Variants in ADCYAP1R1 observed in about 807,000 individuals in gnomAD.
ADCYAP1R1 encodes the protein ADCYAP receptor type I.
A neutral mutation model predicts 67.6 loss-of-function variants in ADCYAP1R1; 44 were observed. The observed-to-expected ratio is 0.65, with a 90% CI of 0.51 to 0.84. ADCYAP1R1 has a LOEUF of 0.84. ADCYAP1R1 is among the 40% of genes least tolerant of loss of function. The pLI is 0.00. For missense variants in ADCYAP1R1, 477 were observed against 587.9 expected (o/e 0.81, Z 1.95); for synonymous variants, 222 against 219.6 (o/e 1.01, Z -0.10).
chr7:31,056,357 C>T (rs940283325), intron 1 of ADCYAP1R1, among the ~76,000 whole-genome samples: 7 of 152,104 alleles, frequency 4.6e-5, no homozygotes, highest in African/African-American at 1.2e-4. Flanking sequence ...CCCTCCTGAT[C>T]GATGGGCACT....
In ADCYAP1R1 at chr7:31,064,925, A is replaced by G. The variant is rs1420212310; in HGVS notation, c.146A>G (p.Asp49Gly). ...QRANELMGFN[D>G]SSPGCPGMWD... ...GCCAATGAGCTGATGGGCTTCAATGATTCCTCTCCAGGTGAGCGGGGCGGC... is the reference window on the plus strand; with the variant it reads ...GCCAATGAGCTGATGGGCTTCAATGGTTCCTCTCCAGGTGAGCGGGGCGGC... Residue 49 changes from aspartate to glycine, a missense_variant, in exon 3 of 16, where the codon GAT becomes GGT. Physicochemically the swap from Asp to Gly is moderately conservative, Grantham distance 94. Transcript: ENST00000304166. 18 of 1,608,918 alleles carry G rather than the reference A, an allele frequency of 1.1e-5. No homozygotes were observed. The highest frequency in any genetic ancestry group is 1.5e-5 in the Non-Finnish European group (18 of 1,177,270).
In ADCYAP1R1 at chr7:31,086,845, A is replaced by G; in HGVS notation, c.824-98A>G. On this transcript the variant is annotated intron_variant, in intron 10 of 15. Transcript: ENST00000304166. The surrounding 1 kb of genome is among the most constrained non-coding windows in gnomAD (Gnocchi z 5.0). Reference sequence around the variant, plus strand: ...AGAATTCCCAGGAATTCCAAGTCTCATGGGGGAGCAATAGCCTCTCGGAGC... The same window carrying G: ...AGAATTCCCAGGAATTCCAAGTCTCGTGGGGGAGCAATAGCCTCTCGGAGC... 1.5e-6 allele frequency: 2 copies of G among 1,294,766 alleles called. No individual in the cohort carries two copies. Among genetic ancestry groups the G allele is most frequent in the South Asian group, 1.2e-5 (1 of 83,068 alleles). The allele number at this position is 1,294,766 out of a possible 1,614,324, so 80.2% of individuals were successfully genotyped here.
At chr7:31,066,269 A>G (rs745683315) in intron 3 of ADCYAP1R1, among the ~76,000 whole-genome samples, 14 of 152,208 alleles carry the variant, frequency 9.2e-5, no homozygotes, top group Non-Finnish European at 1.6e-4. Context: ...TTGTTCCTGC[A>G]TTGCGTGTCT....
intron 3 of ADCYAP1R1, among the ~76,000 whole-genome samples, chr7:31,076,593 TG>T (rs1166754595): frequency 6.6e-6 from 1 of 152,166 alleles, no homozygotes; most frequent in Non-Finnish European, 1.5e-5. Context: ...GGAGATGCTG[TG>T]GGGGGCCTCT....
chr7:31,070,415 A>G (rs2128620694), intron 3 of ADCYAP1R1, among the ~76,000 whole-genome samples: 1 of 152,208 alleles, frequency 6.6e-6, no homozygotes, highest in Non-Finnish European at 1.5e-5. Flanking sequence ...TGGAGGGAGG[A>G]GGGAAAGGCC....
intron 3 of ADCYAP1R1, among the ~76,000 whole-genome samples, chr7:31,067,874 T>C (rs1794806883): frequency 6.6e-6 from 1 of 152,212 alleles, no homozygotes; most frequent in Admixed American, 6.5e-5. Flanking sequence ...ACTGTAGTTA[T>C]TAGGAGCTGT....
intron 12 of ADCYAP1R1, among the ~76,000 whole-genome samples, chr7:31,089,206 T>C (rs963000796): frequency 2.0e-5 from 3 of 152,158 alleles, no homozygotes; most frequent in African/African-American, 4.8e-5. Flanking sequence ...TTCTTAGTTG[T>C]GTTTCTGAAT....
chr7:31,087,891 T>G (rs1795819185), intron 12 of ADCYAP1R1, among the ~76,000 whole-genome samples, 195 bp downstream of exon 12: 1 of 152,262 alleles, frequency 6.6e-6, no homozygotes, highest in East Asian at 1.9e-4. Flanking sequence ...TCCCATTTTT[T>G]CCTTATTACA....
intron 12 of ADCYAP1R1, among the ~76,000 whole-genome samples, chr7:31,091,848 TCTC>T (rs1175633250): frequency 6.6e-6 from 1 of 151,948 alleles, no homozygotes; most frequent in Non-Finnish European, 1.5e-5. Flanking sequence ...ATTGATCAGT[TCTC>T]CTATTTTTTC....
intron 1 of ADCYAP1R1, among the ~76,000 whole-genome samples, chr7:31,060,260 G>A (rs1452284588): frequency 2.0e-4 from 31 of 152,204 alleles, no homozygotes; most frequent in Admixed American, 2.0e-3. Flanking sequence ...ATGTGCATGT[G>A]TGCCTATACC....
In ADCYAP1R1 at chr7:31,100,733, A is replaced by T. The variant is rs116004492; in HGVS notation, c.1047-2504A>T. Among the ~76,000 whole-genome samples the T allele has an allele frequency of 7.7e-3, 1,179 of 152,300 alleles. 17 individuals carry two copies. Among genetic ancestry groups the T allele is most frequent in the African/African-American group, 0.027 (1,122 of 41,558 alleles). On this transcript the variant is annotated intron_variant, in intron 13 of 15. Coordinates refer to ENST00000304166, the MANE Select transcript of ADCYAP1R1 (RefSeq NM_001118.5). ...AATGAGAAAACTGAAGTGCTGAGAG[A>T]TGAAGTCACTCACTCAAGGACCCCT...
intron 13 of ADCYAP1R1, among the ~76,000 whole-genome samples, chr7:31,101,263 A>G (rs1288957971): frequency 1.3e-5 from 2 of 152,178 alleles, no homozygotes; most frequent in Non-Finnish European, 2.9e-5. Context: ...GTGGCTGGGA[A>G]AGGCCTGAAG....
chr7:31,086,259 A>G lies in ADCYAP1R1; in HGVS notation c.670-125A>G. On this transcript the variant is annotated intron_variant, in intron 9 of 15. Coordinates refer to ENST00000304166, the MANE Select transcript of ADCYAP1R1 (RefSeq NM_001118.5). This position sits in a 1 kb window ranked among gnomAD's most constrained non-coding sequence, Gnocchi z 5.0. Reference sequence around the variant, plus strand: ...ATTTTCAACTCTTTGATCCAGGAATATTGACTCTCTTAGATCCTTGGGATG... The same window carrying G: ...ATTTTCAACTCTTTGATCCAGGAATGTTGACTCTCTTAGATCCTTGGGATG... 1 of 1,022,882 alleles carries G rather than the reference A, an allele frequency of 9.8e-7. No individual in the cohort carries two copies. The highest frequency in any genetic ancestry group is 1.4e-6 in the Non-Finnish European group (1 of 713,810). The allele number at this position is 1,022,882 out of a possible 1,614,324, so 63.4% of individuals were successfully genotyped here.
chr7:31,106,673 C>G lies in ADCYAP1R1; in HGVS notation c.1396C>G (p.Leu466Val), dbSNP rs745709763. The G allele has an allele frequency of 1.2e-6, 2 of 1,608,218 alleles. No individual in the cohort carries two copies. The highest frequency in any genetic ancestry group is 3.4e-5 in the Admixed American group (2 of 59,530). ...CATGTCTGGCCTCCCTGCTGACAAT[C>G]TGGCCACCTGAGCCATGCTCCCCTC... is the stretch of plus-strand genomic sequence containing the variant. ...IRMSGLPADN[L>V]AT is the part of the protein sequence containing the mutation. Residue 466 changes from leucine to valine, a missense_variant, in exon 16 of 16, where the codon CTG (leucine) becomes GTG (valine). Leu to Val is a conservative substitution (Grantham distance 32). Transcript: ENST00000304166.
intron 3 of ADCYAP1R1, among the ~76,000 whole-genome samples, chr7:31,075,741 G>A (rs1332675574): frequency 2.6e-5 from 4 of 152,126 alleles, no homozygotes; most frequent in Non-Finnish European, 1.5e-5. Context: ...GTTGGTGGGG[G>A]GCTTGTGACA....
chr7:31,059,006 T>A (rs1012960322), intron 1 of ADCYAP1R1, among the ~76,000 whole-genome samples: 1 of 152,164 alleles, frequency 6.6e-6, no homozygotes, highest in Non-Finnish European at 1.5e-5. Flanking sequence ...CTTGGAAGAG[T>A]GTCTGGCACA....
At chr7:31,085,505 T>A in intron 9 of ADCYAP1R1, 63 bp downstream of exon 9, 1 of 1,544,174 alleles carries the variant, frequency 6.5e-7, no homozygotes, top group Admixed American at 1.8e-5. Flanking sequence ...TCCCCTTGGT[T>A]CCCCAGGACG....
Position 31,100,343 on chromosome 7 carries a change from A to T in ADCYAP1R1, c.1047-2894A>T, listed in dbSNP as rs1215008324. The T allele has an allele frequency of 5.6e-6, 3 of 534,668 alleles. No homozygotes were observed. The African/African-American group carries it at 6.9e-5, about 12-fold the overall frequency. The allele number at this position is 534,668 out of a possible 1,614,324, so 33.1% of individuals were successfully genotyped here. A position where few individuals can be genotyped will look rare whatever the true frequency, so the allele number is the denominator to read the frequency against. On this transcript the variant is annotated intron_variant, in intron 13 of 15. Transcript: ENST00000304166. The stretch of plus-strand genomic sequence containing the variant: ...GCCCCAACCCATTCCCGGCTGTTGC[A>T]TGTTGGTGTCTGTGTGTCTTGTGAG...
At position 31,084,133 on chromosome 7, in the gene ADCYAP1R1, T is replaced by C. The variant is rs1795636270; in HGVS notation, c.329-8T>C. 1 of 1,613,624 alleles carries C rather than the reference T, an allele frequency of 6.2e-7. No individual in the cohort carries two copies. Among genetic ancestry groups the C allele is most frequent in the African/African-American group, 1.3e-5 (1 of 74,922 alleles). On this transcript the variant is annotated splice_region_variant and splice_polypyrimidine_tract_variant and intron_variant, in intron 6 of 15. Transcript: ENST00000304166. Reference sequence around the variant, plus strand: ...TCTGGGCCTCGCTGAGTTTTCTTTTTGCTGCAGACATGGGAGTGGTGAGCC... The same window carrying C: ...TCTGGGCCTCGCTGAGTTTTCTTTTCGCTGCAGACATGGGAGTGGTGAGCC...
Sources: allele counts gnomAD v4.1 joint callset (sites outside exome capture counted in the v4.1 genomes callset), GRCh38; gene constraint gnomAD v4.1.1; non-coding constraint Gnocchi (gnomAD v3.1); transcripts MANE v1.5; gene names NCBI Gene and HGNC (gene_info 2026-07-23, HGNC 2026-07-21).